Variants in SOX13 observed in about 807,000 individuals in gnomAD.
SOX13 encodes the protein transcription factor SOX-13.
Under a neutral mutation model 71.8 loss-of-function variants are expected in SOX13, and 28 were observed. That is an observed-to-expected ratio of 0.39 (90% confidence interval 0.29 to 0.53). The LOEUF is 0.53. Ranked by LOEUF, SOX13 falls within the 20% of genes least tolerant of loss-of-function variation. The probability of loss-of-function intolerance (pLI) is 0.70; values close to 1 mark genes in which losing one functional copy is unlikely to be tolerated. For missense variants in SOX13, 627 were observed against 810.3 expected (o/e 0.77, Z 2.75); for synonymous variants, 309 against 317.8 (o/e 0.97, Z 0.29).
chr1:204,089,365 G>A (rs1656093561), intron 1 of SOX13, among the ~76,000 whole-genome samples: 2 of 152,222 alleles, frequency 1.3e-5, no homozygotes, highest in East Asian at 1.9e-4. Context: ...GACAGCCCTG[G>A]GGAGCAGGAT....
chr1:204,121,529 T>C (rs1656806031), intron 7 of SOX13, among the ~76,000 whole-genome samples: 1 of 152,226 alleles, frequency 6.6e-6, no homozygotes, highest in African/African-American at 2.4e-5. Flanking sequence ...TGAGACGTTC[T>C]ACACAACAGG....
intron 2 of SOX13, 81 bp from the exon 3 acceptor site, chr1:204,114,240 A>T: frequency 1.1e-6 from 1 of 878,650 alleles, no homozygotes; most frequent in Non-Finnish European, 1.8e-6. Context: ...CTCAGGGTAC[A>T]CATCTTTGGG....
Position 204,114,397 on chromosome 1 carries a change from A to G in SOX13, c.296A>G (p.Gln99Arg). 1 of 1,612,970 alleles carries G rather than the reference A, an allele frequency of 6.2e-7. No individual in the cohort carries two copies. The highest frequency in any genetic ancestry group is 1.1e-5 in the South Asian group (1 of 90,786). ...PGVSEAASGS[Q>R]EKLDFNRNLK... ...GTGTCGGAGGCTGCCTCTGGAAGCC[A>G]GGAGAAGCTGGACTTCAACCGAAAT... Residue 99 changes from glutamine (Q) to arginine (R), a missense_variant, in exon 3 of 14, where the codon CAG becomes CGG. By Grantham distance (43) the Gln-to-Arg change is conservative (BLOSUM62 1). Around this residue, in one of 3 missense-constraint regions of SOX13, gnomAD observed 447 missense variants for 532.2 expected, o/e 0.84. Coordinates refer to ENST00000367204, the MANE Select transcript of SOX13 (RefSeq NM_005686.3).
chr1:204,074,937 C>CGGCGCTGGCGCT (rs561332060), intron 1 of SOX13, among the ~76,000 whole-genome samples: 431 of 152,294 alleles, frequency 2.8e-3, no homozygotes, highest in Admixed American at 5.9e-3. Flanking sequence ...CAGGACGCCT[C>CGGCGCTGGCGCT]GGCGCTGGCG....
Position 204,125,937 on chromosome 1 carries a change from C to T in SOX13, c.1672C>T (p.Leu558=), listed in dbSNP as rs551903199. 6 of 1,613,828 alleles carry T rather than the reference C, an allele frequency of 3.7e-6. No homozygotes were observed. The South Asian group carries it at 5.5e-5, about 15-fold the overall frequency. The change falls in exon 14 of 14, where the codon CTG becomes TTG. Residue 558 remains leucine (L), a synonymous_variant. Coordinates refer to ENST00000367204, the MANE Select transcript of SOX13 (RefSeq NM_005686.3). ...AGCAGGCATGCCGCTGGCACAGCCA[C>T]TGGTGGAGCACTATGTCCCTCGTAG... ...RAAGMPLAQP[L]VEHYVPRSLD...
At chr1:204,122,035 G>T in intron 8 of SOX13, 50 bp downstream of exon 8, 1 of 1,358,378 alleles carries the variant, frequency 7.4e-7, no homozygotes, top group Non-Finnish European at 1.0e-6. Context: ...GCTTATGACG[G>T]CCGGCTGCCG....
rs1656925943 is a variant in SOX13 at position 204,126,512 on chromosome 1, C to T, written c.*378C>T. 1.5e-5 allele frequency: 4 copies of T among 258,224 alleles called. No homozygotes were observed. In the South Asian group the frequency reaches 2.5e-4, roughly 16 times the overall value. 16.0% of individuals were successfully genotyped at this position (258,224 alleles called of 1,614,324 possible). A position where few individuals can be genotyped will look rare whatever the true frequency, so the allele number is the denominator to read the frequency against. On this transcript the variant is annotated 3_prime_UTR_variant, in exon 14 of 14. Coordinates refer to ENST00000367204, the MANE Select transcript of SOX13 (RefSeq NM_005686.3). ...TGTTTCCATTCTTGTCCTGGCTGGA[C>T]CAGCCACTGTGGGACCAACACCCCT...
At chr1:204,076,792 C>T (rs1412536658) in intron 1 of SOX13, among the ~76,000 whole-genome samples, 3 of 152,202 alleles carry the variant, frequency 2.0e-5, no homozygotes, top group African/African-American at 7.2e-5. Context: ...TGACAACTGG[C>T]ACTGCAGTCA....
intron 1 of SOX13, among the ~76,000 whole-genome samples, chr1:204,082,857 C>G (rs148597085): frequency 6.6e-6 from 1 of 152,302 alleles, no homozygotes; most frequent in East Asian, 1.9e-4. Flanking sequence ...CTTGACTGCT[C>G]TCGGCCAGAG....
At chr1:204,102,095 C>G (rs532806944) in intron 1 of SOX13, among the ~76,000 whole-genome samples, 4 of 152,222 alleles carry the variant, frequency 2.6e-5, no homozygotes, top group Non-Finnish European at 5.9e-5. Flanking sequence ...CTCCCAGAGC[C>G]TCATTTCACC....
chr1:204,077,563 A>G (rs1344642339), intron 1 of SOX13, among the ~76,000 whole-genome samples: 1 of 152,246 alleles, frequency 6.6e-6, no homozygotes, highest in Non-Finnish European at 1.5e-5. Flanking sequence ...GGAAAATTAC[A>G]TAAGAAGTGA....
intron 1 of SOX13, among the ~76,000 whole-genome samples, chr1:204,087,618 C>T (rs1008134740): frequency 1.3e-5 from 2 of 152,216 alleles, no homozygotes; most frequent in Non-Finnish European, 2.9e-5. Flanking sequence ...CCACTTGGAG[C>T]CTTACTTCCT....
At chr1:204,120,579 C>T (rs539928487) in intron 7 of SOX13, among the ~76,000 whole-genome samples, 5 of 152,368 alleles carry the variant, frequency 3.3e-5, no homozygotes, top group South Asian at 4.1e-4. Flanking sequence ...ACCTGGCCCC[C>T]ATGGCCTGCC....
intron 1 of SOX13, among the ~76,000 whole-genome samples, chr1:204,088,773 G>A (rs780176707): frequency 6.6e-6 from 1 of 152,128 alleles, no homozygotes; most frequent in Admixed American, 6.5e-5. Context: ...CCACCCCAGC[G>A]GCCACCACCT....
chr1:204,106,922 G>A (rs1183959793), intron 1 of SOX13, among the ~76,000 whole-genome samples: 2 of 152,242 alleles, frequency 1.3e-5, no homozygotes, highest in Non-Finnish European at 2.9e-5. Context: ...GTCTGGTGTT[G>A]TTAACAGGAG....
At chr1:204,094,727 C>T (rs1225330031) in intron 1 of SOX13, among the ~76,000 whole-genome samples, 1 of 152,140 alleles carries the variant, frequency 6.6e-6, no homozygotes, top group African/African-American at 2.4e-5. Flanking sequence ...ACGGGCAGCT[C>T]CTGTAGACAC....
intron 1 of SOX13, among the ~76,000 whole-genome samples, chr1:204,075,958 T>C (rs1655778149): frequency 6.6e-6 from 1 of 152,238 alleles, no homozygotes; most frequent in Non-Finnish European, 1.5e-5. Flanking sequence ...CATTGCCCAC[T>C]TCTGGAGAGG....
At chr1:204,074,976 G>A (rs972323073) in intron 1 of SOX13, among the ~76,000 whole-genome samples, 8 of 151,902 alleles carry the variant, frequency 5.3e-5, no homozygotes, top group Admixed American at 2.0e-4. Flanking sequence ...AAGGGGTCTG[G>A]CCAAAGACGG....
chr1:204,084,923 G>A lies in SOX13; in HGVS notation c.-2+11212G>A, dbSNP rs187866302. The stretch of plus-strand genomic sequence containing the variant: ...CTCTGTGTGTTTCAGTTTCCCTGCT[G>A]GAAAGACAGCAAGATCTCTCCCACT... On this transcript the variant is annotated intron_variant, in intron 1 of 13. Transcript: ENST00000367204. Among the ~76,000 whole-genome samples the A allele has an allele frequency of 1.9e-3, 290 of 152,264 alleles. 1 individual carries two copies. Among genetic ancestry groups the A allele is most frequent in the Non-Finnish European group, 2.5e-3 (173 of 68,020 alleles).
Sources: gnomAD v4.1 joint callset for allele counts (sites outside exome capture counted in the v4.1 genomes callset) on GRCh38, gnomAD v4.1.1 for gene constraint, gnomAD v4.1.1 regional missense constraint, MANE v1.5 for transcripts, NCBI Gene and HGNC (gene_info 2026-07-23, HGNC 2026-07-21) for gene names.